IL15: variants seen among roughly 807,000 people sequenced by gnomAD.
The protein encoded by IL15 is interleukin 15.
Under a neutral mutation model 19.6 loss-of-function variants are expected in IL15, and 11 were observed. The ratio of observed to expected loss-of-function variants is 0.56; its 90% CI spans 0.35 to 0.93. IL15 has a LOEUF of 0.93. IL15 is among the 40% of genes least tolerant of loss of function. IL15 has a pLI of 0.01. For missense variants in IL15, 197 were observed against 186.5 expected (o/e 1.06, Z -0.33); for synonymous variants, 58 against 59.6 (o/e 0.97, Z 0.12).
chr4:141,641,747 G>T (rs1003148368), intron 1 of IL15, among the ~76,000 whole-genome samples: 14 of 150,350 alleles, frequency 9.3e-5, no homozygotes, highest in African/African-American at 3.2e-4. Flanking sequence ...TGTAAATGAC[G>T]AGTTAATGGG....
chr4:141,637,018 C>A (rs1441626890), intron 1 of IL15: 1 of 152,288 alleles, frequency 6.6e-6, no homozygotes, highest in African/African-American at 2.4e-5. Context: ...TTGCCCCTGG[C>A]GTGCGACTCC....
chr4:141,674,413 A>T (rs1307910719), intron 2 of IL15, among the ~76,000 whole-genome samples: 1 of 152,028 alleles, frequency 6.6e-6, no homozygotes, highest in Non-Finnish European at 1.5e-5. Flanking sequence ...AATTTCAGAA[A>T]TATAAAATGT....
At chr4:141,690,249 C>G (rs1728865954) in intron 2 of IL15, among the ~76,000 whole-genome samples, 1 of 152,212 alleles carries the variant, frequency 6.6e-6, no homozygotes, top group African/African-American at 2.4e-5. Flanking sequence ...CCCTCCACAC[C>G]TCCCTGCAAG....
chr4:141,693,478 C>G (rs375717280), intron 2 of IL15, among the ~76,000 whole-genome samples: 1 of 152,174 alleles, frequency 6.6e-6, no homozygotes, highest in African/African-American at 2.4e-5. Context: ...CAGTAAATAT[C>G]TGCTGAACAG....
At chr4:141,731,316 C>G (rs1730444949) in intron 7 of IL15, among the ~76,000 whole-genome samples, 1 of 151,988 alleles carries the variant, frequency 6.6e-6, no homozygotes. Context: ...TCTGTTTTTC[C>G]CTACTAGAAT....
chr4:141,729,793 A>G, intron 6 of IL15, 54 bp from the exon 7 acceptor site: 1 of 988,876 alleles, frequency 1.0e-6, no homozygotes, highest in East Asian at 2.5e-5. Context: ...TTACATCAGT[A>G]TGAAAATTAA....
At chr4:141,666,011 T>C (rs778106098) in intron 2 of IL15, among the ~76,000 whole-genome samples, 1 of 152,014 alleles carries the variant, frequency 6.6e-6, no homozygotes, top group Non-Finnish European at 1.5e-5. Context: ...TGTCATAATG[T>C]TGGGGCTCTT....
chr4:141,637,886 T>C (rs1221229541), intron 1 of IL15, among the ~76,000 whole-genome samples: 1 of 152,188 alleles, frequency 6.6e-6, no homozygotes, highest in African/African-American at 2.4e-5. Context: ...GAATTTTTGC[T>C]CAGGTATTAC....
intron 2 of IL15, among the ~76,000 whole-genome samples, chr4:141,699,239 T>C (rs1729200522): frequency 6.6e-6 from 1 of 152,188 alleles, no homozygotes; most frequent in Non-Finnish European, 1.5e-5. Context: ...AATGATTTTG[T>C]GGTTTATCAT....
At chr4:141,700,694 C>T (rs1055072957) in intron 2 of IL15, among the ~76,000 whole-genome samples, 2 of 152,148 alleles carry the variant, frequency 1.3e-5, no homozygotes, top group South Asian at 4.1e-4. Context: ...GAAAGTTTTC[C>T]TCAATTATTC....
At chr4:141,678,935 G>C (rs1018902344) in intron 2 of IL15, among the ~76,000 whole-genome samples, 2 of 152,088 alleles carry the variant, frequency 1.3e-5, no homozygotes, top group African/African-American at 4.8e-5. Flanking sequence ...AATATATGCC[G>C]TATATTTCTT....
intron 2 of IL15, among the ~76,000 whole-genome samples, chr4:141,666,558 A>G (rs986976190): frequency 6.6e-6 from 1 of 151,870 alleles, no homozygotes; most frequent in Non-Finnish European, 1.5e-5. Flanking sequence ...TAGTTTCACC[A>G]TGTTACCTAT....
At chr4:141,685,957 A>G (rs1292177901) in intron 2 of IL15, among the ~76,000 whole-genome samples, 1 of 152,048 alleles carries the variant, frequency 6.6e-6, no homozygotes, top group Non-Finnish European at 1.5e-5. Context: ...ACTCTCTTAA[A>G]CCTGTTTGAT....
At chr4:141,716,054 A>G (rs1490504250) in intron 2 of IL15, 1 of 152,218 alleles carries the variant, frequency 6.6e-6, no homozygotes, top group Non-Finnish European at 1.5e-5. Flanking sequence ...TTTTCACTCC[A>G]GAATGAAAAC....
At chr4:141,693,726 T>C (rs548985194) in intron 2 of IL15, among the ~76,000 whole-genome samples, 1 of 152,250 alleles carries the variant, frequency 6.6e-6, no homozygotes, top group African/African-American at 2.4e-5. Flanking sequence ...GTTGGATAAA[T>C]AAGACAATTT....
At chr4:141,682,284 A>G (rs1251854706) in intron 2 of IL15, among the ~76,000 whole-genome samples, 3 of 152,216 alleles carry the variant, frequency 2.0e-5, no homozygotes, top group African/African-American at 7.2e-5. Context: ...CTTAAATTAA[A>G]ATTTGTAATT....
intron 2 of IL15, among the ~76,000 whole-genome samples, chr4:141,663,282 T>G (rs969856009): frequency 6.6e-6 from 1 of 152,236 alleles, no homozygotes; most frequent in African/African-American, 2.4e-5. Flanking sequence ...AAACTATTTA[T>G]GCTATAGGGG....
At chr4:141,663,573 T>C (rs1727863265) in intron 2 of IL15, among the ~76,000 whole-genome samples, 1 of 152,196 alleles carries the variant, frequency 6.6e-6, no homozygotes, top group Admixed American at 6.5e-5. Flanking sequence ...CATGATCTAA[T>C]GTTAATAGAC....
At chr4:141,660,645 A>C (rs1305538618) in intron 2 of IL15, among the ~76,000 whole-genome samples, 1 of 152,200 alleles carries the variant, frequency 6.6e-6, no homozygotes, top group African/African-American at 2.4e-5. Context: ...CTTGTTTACC[A>C]GGAAATTGTG....
Sources: gnomAD v4.1 joint callset for allele counts (sites outside exome capture counted in the v4.1 genomes callset) on GRCh38, gnomAD v4.1.1 for gene constraint, MANE v1.5 for transcripts, NCBI Gene and HGNC (gene_info 2026-07-23, HGNC 2026-07-21) for gene names.